Variants in CCDC110 observed in about 807,000 individuals in gnomAD.
CCDC110 encodes the protein coiled-coil domain containing 110.
Under a neutral mutation model 77.1 loss-of-function variants are expected in CCDC110, and 70 were observed. That is an observed-to-expected ratio of 0.91 (90% confidence interval 0.75 to 1.11). CCDC110 has a LOEUF of 1.11. Among genes scored for constraint, CCDC110 ranks in the 50% least tolerant of loss-of-function variants. CCDC110 has a pLI of 0.00. For missense variants in CCDC110, 868 were observed against 942.9 expected, an observed-to-expected ratio of 0.92 and a Z score of 1.04; for synonymous variants, 295 against 312.5, an observed-to-expected ratio of 0.94 and a Z score of 0.59.
chr4:185,458,704 T>C lies in CCDC110; in HGVS notation c.1883A>G (p.Glu628Gly). 6.2e-7 allele frequency: 1 copy of C among 1,604,606 alleles called. No homozygotes were observed. Among genetic ancestry groups the C allele is most frequent in the Non-Finnish European group, 8.5e-7 (1 of 1,177,942 alleles). ...TGTTTCTATTATTTGAAGAAGTGTCTCTTGTTCCGTTTTTGCCAATCTTTC... is the reference window on the plus strand; with the variant it reads ...TGTTTCTATTATTTGAAGAAGTGTCCCTTGTTCCGTTTTTGCCAATCTTTC... ...EKERLAKTEQ[E>G]TLLQIIETVK... Residue 628 changes from glutamate (E) to glycine (G), a missense_variant, in exon 6 of 7, where the codon GAG becomes GGG. Physicochemically the swap from Glu to Gly is moderately conservative, Grantham distance 98. Transcript: ENST00000307588.
intron 6 of CCDC110, among the ~76,000 whole-genome samples, chr4:185,448,755 C>T (rs1195256800): frequency 1.3e-5 from 2 of 152,154 alleles, no homozygotes; most frequent in Non-Finnish European, 2.9e-5. Context: ...ACCACACCCA[C>T]CCTCTGATAG....
intron 6 of CCDC110, chr4:185,452,205 T>C (rs2095630179): frequency 3.0e-6 from 3 of 985,320 alleles, no homozygotes; most frequent in Non-Finnish European, 3.6e-6. Context: ...ACTGGCGTCC[T>C]CTATTGACAA....
chr4:185,447,268 A>G (rs113138269), intron 6 of CCDC110, among the ~76,000 whole-genome samples: 3,041 of 150,022 alleles, frequency 0.02, 48 homozygotes, highest in Middle Eastern at 0.055. Context: ...TGCAAGCTCC[A>G]CCTGCCGGGT....
At chr4:185,465,992 GGTTGTCT>G (rs2095655000) in intron 2 of CCDC110, among the ~76,000 whole-genome samples, 1 of 152,164 alleles carries the variant, frequency 6.6e-6, no homozygotes, top group South Asian at 2.1e-4. Flanking sequence ...GTTAAGGCTA[GGTTGTCT>G]GTTAAACATC....
chr4:185,445,262 G>A lies in CCDC110; in HGVS notation c.*240C>T. The A allele has an allele frequency of 1.2e-6, 1 of 831,952 alleles. No homozygotes were observed. The highest frequency in any genetic ancestry group is 2.7e-5 in the East Asian group (1 of 37,306). The allele number at this position is 831,952 out of a possible 1,614,324, so 51.5% of individuals were successfully genotyped here. On this transcript the variant is annotated 3_prime_UTR_variant, in exon 7 of 7. Coordinates refer to ENST00000307588, the MANE Select transcript of CCDC110 (RefSeq NM_152775.4). ...AATGTGGGTGACTTTAGACATCTCAGCTCCTTCCATGTACAGGTACCTGCC... is the reference window on the plus strand; with the variant it reads ...AATGTGGGTGACTTTAGACATCTCAACTCCTTCCATGTACAGGTACCTGCC...
intron 6 of CCDC110, among the ~76,000 whole-genome samples, chr4:185,451,144 G>T (rs2095628581): frequency 6.6e-6 from 1 of 152,172 alleles, no homozygotes; most frequent in Admixed American, 6.5e-5. Context: ...CTGCCACCAT[G>T]CAAGATGTGC....
chr4:185,462,420 A>G (rs746567049), intron 4 of CCDC110, among the ~76,000 whole-genome samples: 2 of 152,250 alleles, frequency 1.3e-5, no homozygotes, highest in Non-Finnish European at 2.9e-5. Context: ...ACGTGTATTG[A>G]AAAAATCAGC....
At chr4:185,457,529 T>C (rs531773278) in intron 6 of CCDC110, among the ~76,000 whole-genome samples, 51 of 152,312 alleles carry the variant, frequency 3.3e-4, no homozygotes, top group Admixed American at 2.9e-3. Context: ...TCAGGAGTCT[T>C]GTGACTTCCA....
intron 2 of CCDC110, among the ~76,000 whole-genome samples, chr4:185,466,412 G>T (rs1305924618): frequency 6.6e-6 from 1 of 151,992 alleles, no homozygotes; most frequent in Non-Finnish European, 1.5e-5. Context: ...AGATGTCACT[G>T]CTGGCCATGC....
intron 6 of CCDC110, among the ~76,000 whole-genome samples, chr4:185,447,388 G>T (rs569947780): frequency 2.6e-5 from 4 of 152,144 alleles, no homozygotes; most frequent in East Asian, 1.9e-4. Flanking sequence ...CACTGTGTTA[G>T]CCAGGATGGA....
chr4:185,447,341 C>T (rs2095616037), intron 6 of CCDC110, among the ~76,000 whole-genome samples: 1 of 151,812 alleles, frequency 6.6e-6, no homozygotes, highest in Non-Finnish European at 1.5e-5. Flanking sequence ...GCCACCACGC[C>T]CGGCTAATTT....
Position 185,459,070 on chromosome 4 carries a change from T to G in CCDC110, c.1517A>C (p.Lys506Thr). The change falls in exon 6 of 7, where the codon AAA becomes ACA. Residue 506 changes from lysine to threonine, a missense_variant. Coordinates refer to ENST00000307588, the MANE Select transcript of CCDC110 (RefSeq NM_152775.4). ...TTTACTAATTATTTTTTTAAATTCT[T>G]TAAGACACTCTTTGCTGTATTCTTC... ...KTEEYSKECL[K>T]EFKKIISKYN... 3 of 1,571,876 alleles carry G rather than the reference T, an allele frequency of 1.9e-6. No homozygotes were observed. Among genetic ancestry groups the G allele is most frequent in the Non-Finnish European group, 2.6e-6 (3 of 1,155,728 alleles).
chr4:185,465,847 G>A (rs778673214), intron 2 of CCDC110, among the ~76,000 whole-genome samples: 2 of 152,180 alleles, frequency 1.3e-5, no homozygotes, highest in African/African-American at 2.4e-5. Flanking sequence ...TGGAGGATTC[G>A]TTGGGGCCAG....
At position 185,459,636 on chromosome 4, in the gene CCDC110, T is replaced by C; in HGVS notation, c.951A>G (p.Ala317=). ...TGAAGGGGAGTAATTTCTTCACTAA[T>C]GCCTCTAATTCTGAAATTCTCTTTG... ...IKSKRISELE[A]LVKKLLPFRE... Residue 317 remains alanine (A), a synonymous_variant, in exon 6 of 7, where the codon GCA becomes GCG. Transcript: ENST00000307588. The C allele has an allele frequency of 1.9e-6, 3 of 1,612,142 alleles. No homozygotes were observed. Among genetic ancestry groups the C allele is most frequent in the South Asian group, 1.1e-5 (1 of 90,530 alleles).
intron 6 of CCDC110, among the ~76,000 whole-genome samples, chr4:185,446,029 C>T (rs186913301): frequency 2.0e-3 from 298 of 152,082 alleles, no homozygotes; most frequent in Middle Eastern, 3.4e-3. Flanking sequence ...TTAGTAGAGA[C>T]GGAGTTTCTC....
chr4:185,447,443 G>C (rs975131302), intron 6 of CCDC110, among the ~76,000 whole-genome samples: 13 of 152,068 alleles, frequency 8.5e-5, no homozygotes, highest in African/African-American at 3.1e-4. Flanking sequence ...GCCTCCCAAA[G>C]TGCTGGGATT....
At chr4:185,449,547 A>G in intron 6 of CCDC110, 1 of 1,207,664 alleles carries the variant, frequency 8.3e-7, no homozygotes, top group Non-Finnish European at 1.2e-6. Flanking sequence ...ATGTACAGGT[A>G]TTTGACTTGC....
intron 6 of CCDC110, among the ~76,000 whole-genome samples, chr4:185,446,180 A>T (rs1264268631): frequency 6.6e-6 from 1 of 152,334 alleles, no homozygotes; most frequent in East Asian, 1.9e-4. Context: ...TAAGTTCTTT[A>T]GAACAATGTA....
chr4:185,458,954 G>A lies in CCDC110; in HGVS notation c.1633C>T (p.Gln545Ter), dbSNP rs2095640797. Residue 545 changes from glutamine (Q) to a stop codon, truncating the protein, a stop_gained, in exon 6 of 7, where the codon CAA (glutamine) becomes TAA (stop). Coordinates refer to ENST00000307588, the MANE Select transcript of CCDC110 (RefSeq NM_152775.4). LOFTEE classifies it high-confidence loss of function. ...GTTTTGTGTTCCTTACTTTTTAGTT[G>A]ATCTAATGCTTCCATCATTTGTTGC... ...EKQQMMEALD[Q>*]LKSKEHKTQS... The A allele has an allele frequency of 6.2e-7, 1 of 1,606,432 alleles. No homozygotes were observed. Among genetic ancestry groups the A allele is most frequent in the African/African-American group, 1.3e-5 (1 of 74,670 alleles).
Sources: allele counts gnomAD v4.1 joint callset (sites outside exome capture counted in the v4.1 genomes callset), GRCh38; gene constraint gnomAD v4.1.1; transcripts MANE v1.5; gene names NCBI Gene and HGNC (gene_info 2026-07-23, HGNC 2026-07-21).